Variants in MYOM2 observed in about 807,000 individuals in gnomAD.
MYOM2 encodes the protein myomesin-2.
Under a neutral mutation model 187.6 loss-of-function variants are expected in MYOM2, and 254 were observed. The observed-to-expected ratio is 1.35, with a 90% confidence interval of 1.22 to 1.50. The LOEUF is 1.50. MYOM2 is among the 40% of genes most tolerant of loss of function. MYOM2 has a pLI of 0.00. For missense variants in MYOM2, 2,796 were observed against 1,924.0 expected (o/e 1.45, Z -8.48); for synonymous variants, 981 against 753.8 (o/e 1.30, Z -4.94).
rs199932859 is a variant in MYOM2 at position 2,117,972 on chromosome 8, C to A, written c.3453+20C>A. Reference sequence around the variant, plus strand: ...TGCAAGGTGAGAAACCCGGTTCTAACAGGAAAACAATAAATCTCATTCTGG... The same window carrying A: ...TGCAAGGTGAGAAACCCGGTTCTAAAAGGAAAACAATAAATCTCATTCTGG... On this transcript the variant is annotated intron_variant, in intron 28 of 36. Coordinates refer to ENST00000262113, the MANE Select transcript of MYOM2 (RefSeq NM_003970.4). 58 of 1,606,452 alleles carry A rather than the reference C, an allele frequency of 3.6e-5. No homozygotes were observed. The highest frequency in any genetic ancestry group is 4.3e-6 in the Non-Finnish European group (5 of 1,174,542).
intron 14 of MYOM2, 125 bp downstream of exon 14, chr8:2,085,515 GCCCCC>G (rs67333717): frequency 1.3e-5 from 10 of 775,110 alleles, no homozygotes; most frequent in South Asian, 3.7e-5. Context: ...TCTCCGCGTG[GCCCCC>G]CACTGTTGTG....
chr8:2,099,225 G>A (rs1298593976), intron 19 of MYOM2, among the ~76,000 whole-genome samples: 3 of 152,240 alleles, frequency 2.0e-5, no homozygotes, highest in African/African-American at 7.2e-5. Context: ...AGGCCCTGAG[G>A]GTGAGGTGGG....
At chr8:2,052,078 A>T (rs922274906) in intron 2 of MYOM2, 80 bp from the exon 3 acceptor site, 30 of 1,577,148 alleles carry the variant, frequency 1.9e-5, no homozygotes, top group Non-Finnish European at 2.3e-5. Flanking sequence ...GGGTGTGTAG[A>T]GAGAAAGTGA....
intron 21 of MYOM2, among the ~76,000 whole-genome samples, chr8:2,105,739 C>A (rs1213544972): frequency 6.6e-6 from 1 of 152,214 alleles, no homozygotes; most frequent in Non-Finnish European, 1.5e-5. Flanking sequence ...AAAGTGTTTT[C>A]TCTCTCACGA....
chr8:2,125,127 G>A (rs1797592023), intron 31 of MYOM2, among the ~76,000 whole-genome samples: 1 of 152,134 alleles, frequency 6.6e-6, no homozygotes, highest in Non-Finnish European at 1.5e-5. Flanking sequence ...TTTGTTGCCT[G>A]TATTTTTGAT....
intron 35 of MYOM2, among the ~76,000 whole-genome samples, chr8:2,142,967 G>A (rs1798328606): frequency 6.6e-6 from 1 of 151,900 alleles, no homozygotes; most frequent in African/African-American, 2.4e-5. Flanking sequence ...TGTTGGCCAG[G>A]CTGGTCTCTA....
chr8:2,130,624 TC>T (rs1797831674), intron 32 of MYOM2, among the ~76,000 whole-genome samples: 1 of 152,246 alleles, frequency 6.6e-6, no homozygotes, highest in Non-Finnish European at 1.5e-5. Flanking sequence ...TGTGCTTTTT[TC>T]TTATAATGGA....
chr8:2,080,376 C>T (rs1452134180), intron 13 of MYOM2, among the ~76,000 whole-genome samples: 1 of 152,220 alleles, frequency 6.6e-6, no homozygotes, highest in Non-Finnish European at 1.5e-5. Context: ...GCAGATGGAT[C>T]CCCAACTAGT....
At chr8:2,114,288 G>T (rs1412793655) in intron 25 of MYOM2, among the ~76,000 whole-genome samples, 1 of 152,226 alleles carries the variant, frequency 6.6e-6, no homozygotes, top group Non-Finnish European at 1.5e-5. Flanking sequence ...TCTGTGGACT[G>T]TTCCTGTGAT....
Position 2,144,809 on chromosome 8 carries a change from C to T in MYOM2, c.4226C>T (p.Thr1409Ile), listed in dbSNP as rs1464210699. ...GTCAGCATGACCATCAAAGGCGTGA[C>T]CTCCGAGGACTCGGGCAAGTACAGC... The part of the protein sequence containing the change: ...KYVSMTIKGV[T>I]SEDSGKYSIN... Residue 1409 changes from threonine (T) to isoleucine (I), a missense_variant, in exon 37 of 37, where the codon ACC (threonine) becomes ATC (isoleucine). Coordinates refer to ENST00000262113, the MANE Select transcript of MYOM2 (RefSeq NM_003970.4). The T allele has an allele frequency of 2.5e-6, 4 of 1,614,206 alleles. No individual in the cohort carries two copies. Among genetic ancestry groups the T allele is most frequent in the African/African-American group, 1.3e-5 (1 of 75,060 alleles).
chr8:2,134,533 G>A (rs949191011), intron 32 of MYOM2, among the ~76,000 whole-genome samples: 3 of 152,190 alleles, frequency 2.0e-5, no homozygotes, highest in Admixed American at 6.5e-5. Flanking sequence ...GGGATTTGAG[G>A]TTCAGCAGTG....
intron 25 of MYOM2, among the ~76,000 whole-genome samples, 177 bp downstream of exon 25, chr8:2,109,708 G>T (rs1391609874): frequency 6.6e-6 from 1 of 152,180 alleles, no homozygotes; most frequent in African/African-American, 2.4e-5. Flanking sequence ...ATGTTCAAAG[G>T]TTTGGTCTGG....
chr8:2,057,392 G>A lies in MYOM2; in HGVS notation c.308G>A (p.Arg103His), dbSNP rs200858192. 1.9e-5 allele frequency: 31 copies of A among 1,613,844 alleles called. No homozygotes were observed. In the East Asian group the frequency reaches 2.9e-4, roughly 15 times the overall value. Residue 103 changes from arginine to histidine, a missense_variant, in exon 4 of 37, where the codon CGC becomes CAC. Physicochemically the swap from Arg to His is conservative, Grantham distance 29. Coordinates refer to ENST00000262113, the MANE Select transcript of MYOM2 (RefSeq NM_003970.4). ...GCCTATGGTGAGGCCAAGCGACAGC[G>A]CTTCCTCAGCGAGCTGGCCCACTTG... ...VAAYGEAKRQ[R>H]FLSELAHLEE...
intron 6 of MYOM2, among the ~76,000 whole-genome samples, chr8:2,063,084 T>C (rs1437996260): frequency 6.6e-6 from 1 of 152,204 alleles, no homozygotes; most frequent in Non-Finnish European, 1.5e-5. Flanking sequence ...AAAGGAAACT[T>C]CCAAGACCAC....
chr8:2,067,651 G>C lies in MYOM2; in HGVS notation c.654-1627G>C, dbSNP rs1442781449. ...TGGGAAGACAGTTCACAGCCAAGAAGAGAAGTTTTAGCTTTAGTACCATGG... is the reference window on the plus strand; with the variant it reads ...TGGGAAGACAGTTCACAGCCAAGAACAGAAGTTTTAGCTTTAGTACCATGG... On this transcript the variant is annotated intron_variant, in intron 6 of 36. Coordinates refer to ENST00000262113, the MANE Select transcript of MYOM2 (RefSeq NM_003970.4). Among the ~76,000 whole-genome samples, 5 of 152,176 alleles carry C rather than the reference G, an allele frequency of 3.3e-5. No individual in the cohort carries two copies. The East Asian group carries it at 9.6e-4, about 29-fold the overall frequency.
chr8:2,123,605 A>T lies in MYOM2; in HGVS notation c.3618A>T (p.Arg1206Ser). The change falls in exon 30 of 37, where the codon AGA (arginine) becomes AGT (serine). Residue 1206 changes from arginine (R) to serine (S), a missense_variant. Transcript: ENST00000262113. ...GEYKATLKDD[R>S]GQDVSILEIA... is the part of the protein sequence containing the mutation. Reference sequence around the variant, plus strand: ...ACAAGGCAACCTTGAAAGATGACAGAGGCCAAGATGTGTCCATCCTTGAAA... The same window carrying T: ...ACAAGGCAACCTTGAAAGATGACAGTGGCCAAGATGTGTCCATCCTTGAAA... 3.1e-6 allele frequency: 5 copies of T among 1,614,208 alleles called. No homozygotes were observed. Among genetic ancestry groups the T allele is most frequent in the Non-Finnish European group, 3.4e-6 (4 of 1,180,012 alleles).
chr8:2,063,447 C>T (rs1176131238), intron 6 of MYOM2, among the ~76,000 whole-genome samples: 1 of 152,202 alleles, frequency 6.6e-6, no homozygotes, highest in Non-Finnish European at 1.5e-5. Context: ...TTTATATGCT[C>T]ATAAGATTTT....
At chr8:2,091,962 C>T (rs115227490) in intron 15 of MYOM2, among the ~76,000 whole-genome samples, 111 of 152,318 alleles carry the variant, frequency 7.3e-4, no homozygotes, top group African/African-American at 2.6e-3. Flanking sequence ...TTCAACAGAT[C>T]TGATAAAATT....
chr8:2,094,432 T>C (rs1269554926), intron 17 of MYOM2, among the ~76,000 whole-genome samples: 1 of 152,174 alleles, frequency 6.6e-6, no homozygotes, highest in African/African-American at 2.4e-5. Context: ...GGTGGCTGGA[T>C]CATGAGGTCA....
Sources: allele counts gnomAD v4.1 joint callset (sites outside exome capture counted in the v4.1 genomes callset), GRCh38; gene constraint gnomAD v4.1.1; transcripts MANE v1.5; gene names NCBI Gene and HGNC (gene_info 2026-07-23, HGNC 2026-07-21).